The following DCHS2 variants were observed in gnomAD, a reference collection of about 807,000 sequenced individuals.
DCHS2 encodes dachsous cadherin-related 2.
In DCHS2, 142 loss-of-function variants were observed where a neutral mutation model predicts 182.4. The observed-to-expected ratio is 0.78, with a 90% CI of 0.68 to 0.89. DCHS2 has a LOEUF of 0.89. DCHS2 is among the 40% of genes least tolerant of loss of function. The pLI is 0.00. For missense variants in DCHS2, 4,319 were observed against 4,198.6 expected, an observed-to-expected ratio of 1.03 and a Z score of -0.79; for synonymous variants, 1,740 against 1,663.3, an observed-to-expected ratio of 1.05 and a Z score of -1.12.
At chr4:154,365,819 T>C (rs942607137) in intron 3 of DCHS2, among the ~76,000 whole-genome samples, 4 of 151,766 alleles carry the variant, frequency 2.6e-5, no homozygotes, top group Admixed American at 2.6e-4. Context: ...CGGCTAATTT[T>C]TTTTTTTTTT....
At chr4:154,257,307 C>T (rs2111162188) in intron 15 of DCHS2, among the ~76,000 whole-genome samples, 1 of 152,198 alleles carries the variant, frequency 6.6e-6, no homozygotes, top group South Asian at 2.1e-4. Context: ...TTCTAGGGTA[C>T]CGGCACATCT....
In DCHS2 at chr4:154,269,636, T is replaced by C. The variant is rs189349742; in HGVS notation, c.6577+264A>G. Among the ~76,000 whole-genome samples the C allele has an allele frequency of 2.0e-3, 302 of 152,222 alleles. 1 individual carries two copies. Among genetic ancestry groups the C allele is most frequent in the African/African-American group, 6.6e-3 (276 of 41,534 alleles). On this transcript the variant is annotated intron_variant, in intron 14 of 19. Transcript: ENST00000357232. Reference sequence around the variant, plus strand: ...CAATTTTCCCAAATACATGGGTAAATTGTAAGTGGAAGCTAATTTATCTTC... The same window carrying C: ...CAATTTTCCCAAATACATGGGTAAACTGTAAGTGGAAGCTAATTTATCTTC...
intron 12 of DCHS2, among the ~76,000 whole-genome samples, chr4:154,304,028 C>T (rs1181119943): frequency 6.6e-6 from 1 of 151,294 alleles, no homozygotes; most frequent in Admixed American, 6.6e-5. Context: ...TTCGCAGGTA[C>T]CATTTTTATA....
At chr4:154,424,834 G>A (rs80211168) in intron 1 of DCHS2, among the ~76,000 whole-genome samples, 2,668 of 152,274 alleles carry the variant, frequency 0.018, 67 homozygotes, top group African/African-American at 0.061. Context: ...AAAATTCTGT[G>A]CACTCCTCTA....
At chr4:154,359,693 G>A (rs898596919) in intron 3 of DCHS2, among the ~76,000 whole-genome samples, 7 of 151,890 alleles carry the variant, frequency 4.6e-5, no homozygotes, top group South Asian at 2.1e-4. Flanking sequence ...TATTTATTTT[G>A]CACACAAATC....
chr4:154,367,848 CAG>C (rs1243311190), intron 2 of DCHS2, among the ~76,000 whole-genome samples: 1 of 151,960 alleles, frequency 6.6e-6, no homozygotes. Context: ...CACTTGTTGA[CAG>C]GGAGAGAGGG....
chr4:154,244,280 A>G (rs905763848), intron 16 of DCHS2, among the ~76,000 whole-genome samples: 1 of 152,222 alleles, frequency 6.6e-6, no homozygotes, highest in African/African-American at 2.4e-5. Context: ...CATACATTAT[A>G]TGACAGAGCT....
chr4:154,270,157 C>A, intron 13 of DCHS2, 144 bp from the exon 14 acceptor site: 1 of 1,061,378 alleles, frequency 9.4e-7, no homozygotes, highest in Non-Finnish European at 1.3e-6. Context: ...CTTCAATGAG[C>A]CAGATCCCAT....
chr4:154,457,360 A>T (rs1465451930), intron 1 of DCHS2, among the ~76,000 whole-genome samples: 1 of 152,156 alleles, frequency 6.6e-6, no homozygotes, highest in Non-Finnish European at 1.5e-5. Flanking sequence ...AATCATTTTC[A>T]TGTCTATTAC....
At chr4:154,358,491 G>A (rs1228878088) in intron 3 of DCHS2, among the ~76,000 whole-genome samples, 1 of 152,114 alleles carries the variant, frequency 6.6e-6, no homozygotes, top group East Asian at 1.9e-4. Context: ...AATTGTACTT[G>A]AAATACAAAA....
chr4:154,377,315 G>A lies in DCHS2; in HGVS notation c.2182C>T (p.Gln728Ter). The change falls in exon 2 of 20, where the codon CAA becomes TAA. Residue 728 changes from glutamine to a stop codon, truncating the protein, a stop_gained. Coordinates refer to ENST00000357232, the MANE Select transcript of DCHS2 (RefSeq NM_001358235.2). LOFTEE classifies it high-confidence loss of function. ...DPHDGQICVS[Q>*]DIDRERDPAT... ...GGATCCCTTTCCCTGTCGATATCTT[G>A]AGAAACACAGATTTGCCCATCATGA... 6.2e-7 allele frequency: 1 copy of A among 1,613,626 alleles called. No individual in the cohort carries two copies. The highest frequency in any genetic ancestry group is 8.5e-7 in the Non-Finnish European group (1 of 1,179,728).
chr4:154,403,998 G>A (rs1398630376), intron 1 of DCHS2, among the ~76,000 whole-genome samples: 2 of 151,522 alleles, frequency 1.3e-5, no homozygotes, highest in Non-Finnish European at 2.9e-5. Flanking sequence ...GCTTGCTACG[G>A]GCTTATCAAT....
intron 1 of DCHS2, among the ~76,000 whole-genome samples, chr4:154,425,397 T>C (rs1038319860): frequency 1.3e-5 from 2 of 152,216 alleles, no homozygotes; most frequent in African/African-American, 4.8e-5. Flanking sequence ...TTCTTCCAGA[T>C]AGGATAATTT....
At chr4:154,285,033 C>T (rs1045217146) in intron 13 of DCHS2, among the ~76,000 whole-genome samples, 2 of 152,042 alleles carry the variant, frequency 1.3e-5, no homozygotes, top group Admixed American at 1.3e-4. Context: ...ACTTGGATAC[C>T]AGCTCAGCCA....
In DCHS2 at chr4:154,377,458, G is replaced by A; in HGVS notation, c.2053-14C>T. 6.2e-7 allele frequency: 1 copy of A among 1,601,358 alleles called. No homozygotes were observed. Among genetic ancestry groups the A allele is most frequent in the South Asian group, 1.1e-5 (1 of 89,758 alleles). On this transcript the variant is annotated splice_polypyrimidine_tract_variant and intron_variant, in intron 1 of 19. Transcript: ENST00000357232. ...AGAGGCTGTCACCTGTGAGACAGGA[G>A]GGTGATCAGGAGGAAACAGAAATGC... is the stretch of plus-strand genomic sequence containing the variant.
intron 1 of DCHS2, among the ~76,000 whole-genome samples, chr4:154,388,503 T>C (rs1336045059): frequency 2.7e-5 from 4 of 149,948 alleles, no homozygotes; most frequent in South Asian, 4.2e-4. Context: ...AATTTTTTTT[T>C]TTTTTTTTTG....
intron 14 of DCHS2, among the ~76,000 whole-genome samples, chr4:154,266,861 CTT>C (rs961478743): frequency 6.6e-6 from 1 of 152,168 alleles, no homozygotes; most frequent in East Asian, 1.9e-4. Flanking sequence ...TTAGTTTCTT[CTT>C]TGTCTTCCCT....
Position 154,236,300 on chromosome 4 carries a change from A to C in DCHS2, c.8352T>G (p.Ile2784Met). ...FSCIVPENLP[I>M]SSTICSINAL... The stretch of plus-strand genomic sequence containing the variant: ...CATTTATAGAGCATATGGTAGAGGA[A>C]ATAGGCAGATTTTCTGGAACAATAC... Residue 2784 changes from isoleucine to methionine, a missense_variant, in exon 20 of 20, where the codon ATT (isoleucine) becomes ATG (methionine). Ile to Met is a conservative substitution (Grantham distance 10, BLOSUM62 1). Coordinates refer to ENST00000357232, the MANE Select transcript of DCHS2 (RefSeq NM_001358235.2). 1 of 1,614,090 alleles carries C rather than the reference A, an allele frequency of 6.2e-7. No individual in the cohort carries two copies. Among genetic ancestry groups the C allele is most frequent in the Non-Finnish European group, 8.5e-7 (1 of 1,179,962 alleles).
intron 10 of DCHS2, among the ~76,000 whole-genome samples, chr4:154,312,069 A>T (rs1192611603): frequency 6.6e-6 from 1 of 152,160 alleles, no homozygotes; most frequent in Non-Finnish European, 1.5e-5. Flanking sequence ...GCACTAAGGG[A>T]TTAGCAGAAA....
Sources: allele counts gnomAD v4.1 joint callset (sites outside exome capture counted in the v4.1 genomes callset), GRCh38; gene constraint gnomAD v4.1.1; transcripts MANE v1.5; gene names NCBI Gene and HGNC (gene_info 2026-07-23, HGNC 2026-07-21).